The following CNTN5 variants were observed in gnomAD, a reference collection of about 807,000 sequenced individuals.
The protein encoded by CNTN5 is contactin-5.
Under a neutral mutation model 129.1 loss-of-function variants are expected in CNTN5, and 77 were observed. The ratio of observed to expected loss-of-function variants is 0.60; its 90% CI spans 0.50 to 0.72. The LOEUF (loss-of-function observed/expected upper bound fraction) is 0.72, where lower values mean the gene tolerates loss of function less well. Ranked by LOEUF, CNTN5 falls within the 30% of genes least tolerant of loss-of-function variation. The pLI is 0.00. For synonymous variants in CNTN5, 509 were observed against 465.6 expected (o/e 1.09, Z -1.20); for missense variants, 1,478 against 1,328.8 (o/e 1.11, Z -1.75).
chr11:100,280,841 T>C (rs1417933430), intron 18 of CNTN5, among the ~76,000 whole-genome samples: 1 of 152,094 alleles, frequency 6.6e-6, no homozygotes, highest in Non-Finnish European at 1.5e-5. Context: ...TGTGTATCCC[T>C]TGTAAGTTTT....
chr11:99,642,482 G>T (rs1326889207), intron 3 of CNTN5, among the ~76,000 whole-genome samples: 1 of 151,946 alleles, frequency 6.6e-6, no homozygotes, highest in Non-Finnish European at 1.5e-5. Flanking sequence ...TTTGTCATTA[G>T]TTGACACATA....
chr11:100,035,249 T>C (rs944597962), intron 9 of CNTN5, among the ~76,000 whole-genome samples: 4 of 151,708 alleles, frequency 2.6e-5, no homozygotes, highest in African/African-American at 9.7e-5. Context: ...GATAGTTTAC[T>C]GAGAATGATG....
intron 22 of CNTN5, 142 bp downstream of exon 22, chr11:100,340,791 C>G (rs1952141658): frequency 7.8e-6 from 6 of 770,250 alleles, no homozygotes; most frequent in Non-Finnish European, 1.2e-5. Flanking sequence ...AGATCTGAAT[C>G]CTCAAACTAG....
chr11:99,820,978 G>C (rs113364220), intron 4 of CNTN5, among the ~76,000 whole-genome samples: 10 of 152,182 alleles, frequency 6.6e-5, no homozygotes, highest in African/African-American at 2.2e-4. Context: ...GCATTGTCTC[G>C]TAGTGTTGGC....
At chr11:100,133,150 T>C (rs1195087820) in intron 13 of CNTN5, among the ~76,000 whole-genome samples, 1 of 152,120 alleles carries the variant, frequency 6.6e-6, no homozygotes, top group Non-Finnish European at 1.5e-5. Flanking sequence ...ACACTGATGT[T>C]TATATGCAGT....
intron 7 of CNTN5, among the ~76,000 whole-genome samples, chr11:99,945,059 G>T (rs1311087838): frequency 6.6e-6 from 1 of 152,024 alleles, no homozygotes; most frequent in Admixed American, 6.6e-5. Context: ...AGTGAAGAGT[G>T]GGTGATAGTA....
chr11:99,774,810 C>A (rs1456029319), intron 3 of CNTN5, among the ~76,000 whole-genome samples: 1 of 151,988 alleles, frequency 6.6e-6, no homozygotes, highest in Non-Finnish European at 1.5e-5. Context: ...CATAATAAAT[C>A]CGCTCTCCAG....
intron 13 of CNTN5, among the ~76,000 whole-genome samples, chr11:100,090,168 C>T (rs1183527978): frequency 6.6e-6 from 1 of 151,956 alleles, no homozygotes; most frequent in East Asian, 1.9e-4. Flanking sequence ...GATAAAATCC[C>T]TCAAGAAATT....
intron 1 of CNTN5, among the ~76,000 whole-genome samples, chr11:99,281,805 T>G (rs1591465150): frequency 6.6e-6 from 1 of 152,052 alleles, no homozygotes; most frequent in South Asian, 2.1e-4. Flanking sequence ...ATTATTAAAA[T>G]GTTTTTACTT....
At chr11:99,588,817 A>T (rs1299991589) in intron 3 of CNTN5, among the ~76,000 whole-genome samples, 1 of 152,200 alleles carries the variant, frequency 6.6e-6, no homozygotes, top group Non-Finnish European at 1.5e-5. Flanking sequence ...ACCTGGTTGC[A>T]ATATTCCTGC....
chr11:99,551,882 T>C (rs1266245114), intron 2 of CNTN5, among the ~76,000 whole-genome samples: 1 of 151,880 alleles, frequency 6.6e-6, no homozygotes, highest in Admixed American at 6.6e-5. Flanking sequence ...GACTGTAGTA[T>C]GAAAATCTAA....
intron 3 of CNTN5, among the ~76,000 whole-genome samples, chr11:99,671,225 A>C (rs1953029902): frequency 6.6e-6 from 1 of 151,820 alleles, no homozygotes; most frequent in South Asian, 2.1e-4. Context: ...GCCTTTCCTA[A>C]CAAATTCTAA....
chr11:100,045,985 T>C (rs946775411), intron 9 of CNTN5, among the ~76,000 whole-genome samples: 1 of 151,906 alleles, frequency 6.6e-6, no homozygotes, highest in African/African-American at 2.4e-5. Context: ...ATACTTTAAG[T>C]TAGGGTACAT....
At chr11:99,220,679 A>G (rs980320833) in intron 1 of CNTN5, among the ~76,000 whole-genome samples, 5 of 152,020 alleles carry the variant, frequency 3.3e-5, no homozygotes, top group Non-Finnish European at 4.4e-5. Flanking sequence ...AGGAACTTAT[A>G]TAATTTTACT....
rs151002036 is a variant in CNTN5 at position 99,266,774 on chromosome 11, G to A, written c.-209-58572G>A. ...AGCATCTGCAAATTTTAGTATGGGGGGAGGTGCCCTGAACAAATAATGAGG... is the reference window on the plus strand; with the variant it reads ...AGCATCTGCAAATTTTAGTATGGGGAGAGGTGCCCTGAACAAATAATGAGG... On this transcript the variant is annotated intron_variant, in intron 1 of 24. Coordinates refer to ENST00000524871, the MANE Select transcript of CNTN5 (RefSeq NM_014361.4). Among the ~76,000 whole-genome samples the A allele has an allele frequency of 5.3e-5, 8 of 152,064 alleles. No homozygotes were observed. In the East Asian group the frequency reaches 1.6e-3, roughly 30 times the overall value.
At chr11:99,790,721 G>T (rs904104503) in intron 3 of CNTN5, among the ~76,000 whole-genome samples, 6 of 152,046 alleles carry the variant, frequency 3.9e-5, no homozygotes, top group Middle Eastern at 3.2e-3. Context: ...TGGTAATTCT[G>T]CTTTGAGTTC....
chr11:99,408,170 T>G (rs931242815), intron 2 of CNTN5, among the ~76,000 whole-genome samples: 1 of 152,068 alleles, frequency 6.6e-6, no homozygotes, highest in East Asian at 1.9e-4. Context: ...GCCCTCCTTT[T>G]AATTTCACTG....
intron 9 of CNTN5, among the ~76,000 whole-genome samples, chr11:100,007,302 G>T (rs1454199670): frequency 6.6e-6 from 1 of 152,054 alleles, no homozygotes; most frequent in African/African-American, 2.4e-5. Flanking sequence ...TAACAAGAAA[G>T]TTAGCCTGTC....
intron 1 of CNTN5, among the ~76,000 whole-genome samples, chr11:99,091,477 T>A (rs1369411202): frequency 6.6e-6 from 1 of 152,180 alleles, no homozygotes; most frequent in African/African-American, 2.4e-5. Flanking sequence ...TAGAAAGCTG[T>A]TACCTCCCTT....
Sources: allele counts gnomAD v4.1 joint callset (sites outside exome capture counted in the v4.1 genomes callset), GRCh38; gene constraint gnomAD v4.1.1; transcripts MANE v1.5; gene names NCBI Gene and HGNC (gene_info 2026-07-23, HGNC 2026-07-21).